Variants in NXPE2 observed in about 807,000 individuals in gnomAD.
NXPE2 encodes the protein NXPE family member 2.
A neutral mutation model predicts 34.4 loss-of-function variants in NXPE2; 34 were observed. The ratio of observed to expected loss-of-function variants is 0.99; its 90% confidence interval spans 0.75 to 1.31. The LOEUF (loss-of-function observed/expected upper bound fraction) is 1.31. NXPE2 is among the 40% of genes most tolerant of loss of function. NXPE2 has a pLI of 0.00. For synonymous variants in NXPE2, 235 were observed against 231.3 expected (o/e 1.02, Z -0.15); for missense variants, 649 against 672.5 (o/e 0.97, Z 0.39).
At chr11:114,778,558 G>T in the NXPE2 span, among the ~76,000 whole-genome samples, 1 of 152,174 alleles carries the variant, frequency 6.6e-6, no homozygotes, top group African/African-American at 2.4e-5. Context: ...TGGCAGTAGA[G>T]AAGAGGACAG....
the NXPE2 span, among the ~76,000 whole-genome samples, chr11:114,493,748 C>T: frequency 6.6e-6 from 1 of 152,106 alleles, no homozygotes; most frequent in Non-Finnish European, 1.5e-5. Context: ...TTATACACTA[C>T]AATTACGGTG....
the NXPE2 span, among the ~76,000 whole-genome samples, chr11:114,625,447 C>T: frequency 6.6e-6 from 1 of 152,104 alleles, no homozygotes; most frequent in Non-Finnish European, 1.5e-5. Flanking sequence ...ATAAGTATTG[C>T]CTCTTGGGTA....
downstream of NXPE2, among the ~76,000 whole-genome samples, chr11:114,710,859 C>G (rs764314637): frequency 6.6e-6 from 1 of 151,794 alleles, no homozygotes; most frequent in African/African-American, 2.4e-5. Context: ...TACTAGTAAA[C>G]CAAATTCAAT....
At chr11:114,527,871 A>G in the NXPE2 span, 1 of 1,607,072 alleles carries the variant, frequency 6.2e-7, no homozygotes, top group Non-Finnish European at 8.5e-7. Flanking sequence ...TGTGTTTACG[A>G]TCCTTCATCA....
At chr11:114,798,807 A>G in the NXPE2 span, among the ~76,000 whole-genome samples, 5 of 152,040 alleles carry the variant, frequency 3.3e-5, no homozygotes, top group African/African-American at 9.7e-5. Flanking sequence ...TTAACATTTC[A>G]TCTAGTCCCT....
At chr11:114,633,175 T>G in the NXPE2 span, among the ~76,000 whole-genome samples, 2 of 129,468 alleles carry the variant, frequency 1.5e-5, no homozygotes, top group Admixed American at 8.4e-5. Context: ...TTATATAATT[T>G]ATATGATTAT....
At chr11:114,694,861 G>C (rs946364891) in intron 2 of NXPE2, among the ~76,000 whole-genome samples, 1 of 151,212 alleles carries the variant, frequency 6.6e-6, no homozygotes, top group African/African-American at 2.4e-5. Context: ...TTTTATTAGA[G>C]CCCTAAGTAT....
chr11:114,522,522 G>C, the NXPE2 span: 1 of 1,541,426 alleles, frequency 6.5e-7, no homozygotes, highest in Non-Finnish European at 8.8e-7. Context: ...AAAACAAATA[G>C]ATGTTTTAAA....
the NXPE2 span, among the ~76,000 whole-genome samples, chr11:114,715,335 T>C: frequency 6.6e-6 from 1 of 152,254 alleles, no homozygotes. Context: ...TTTTGTTCTA[T>C]GTAATTGCGC....
chr11:114,735,188 A>G, the NXPE2 span, among the ~76,000 whole-genome samples: 2 of 152,162 alleles, frequency 1.3e-5, no homozygotes, highest in African/African-American at 4.8e-5. Flanking sequence ...GCATTTCTAA[A>G]AGCAGGGAAT....
chr11:114,759,752 G>A, the NXPE2 span, among the ~76,000 whole-genome samples: 1 of 152,170 alleles, frequency 6.6e-6, no homozygotes, highest in Non-Finnish European at 1.5e-5. Context: ...GTCAGTGGTA[G>A]ATAGTAATTT....
chr11:114,708,170 C>T (rs1951503999), downstream of NXPE2, among the ~76,000 whole-genome samples: 1 of 152,148 alleles, frequency 6.6e-6, no homozygotes, highest in South Asian at 2.1e-4. Context: ...ATCATAATAG[C>T]AGTCTTCTTG....
the NXPE2 span, chr11:114,528,822 C>T: frequency 2.2e-5 from 15 of 678,738 alleles, no homozygotes; most frequent in Non-Finnish European, 4.1e-5. Context: ...GATGTCTCTC[C>T]AGGTGCCATC....
chr11:114,797,360 C>T, the NXPE2 span, among the ~76,000 whole-genome samples: 1 of 152,198 alleles, frequency 6.6e-6, no homozygotes, highest in Non-Finnish European at 1.5e-5. Context: ...TACCGTGTCT[C>T]TTTTAGCTGA....
chr11:114,671,086 TA>T, the NXPE2 span, among the ~76,000 whole-genome samples: 5 of 147,294 alleles, frequency 3.4e-5, no homozygotes, highest in Admixed American at 3.4e-4. Context: ...AATATATATA[TA>T]AATATATATA....
At chr11:114,522,470 A>T in the NXPE2 span, 1 of 1,607,328 alleles carries the variant, frequency 6.2e-7, no homozygotes, top group Non-Finnish European at 8.5e-7. Flanking sequence ...TTTCTTAAAG[A>T]TTCCAGTTTC....
chr11:114,751,796 C>G, the NXPE2 span, among the ~76,000 whole-genome samples: 5 of 152,098 alleles, frequency 3.3e-5, no homozygotes, highest in Non-Finnish European at 5.9e-5. Flanking sequence ...GGAGATCATC[C>G]TAAATTATCC....
At chr11:114,646,268 C>A in the NXPE2 span, among the ~76,000 whole-genome samples, 2 of 151,630 alleles carry the variant, frequency 1.3e-5, no homozygotes, top group Admixed American at 1.3e-4. Flanking sequence ...CTCTATTCTA[C>A]TTCTAGTTTT....
chr11:114,536,135 A>G, the NXPE2 span, among the ~76,000 whole-genome samples: 1 of 152,130 alleles, frequency 6.6e-6, no homozygotes, highest in Non-Finnish European at 1.5e-5. Context: ...AACTCACTCA[A>G]AACCCCTCAA....
Sources: gnomAD v4.1 joint callset for allele counts (sites outside exome capture counted in the v4.1 genomes callset) on GRCh38, gnomAD v4.1.1 for gene constraint, MANE v1.5 for transcripts, NCBI Gene and HGNC (gene_info 2026-07-23, HGNC 2026-07-21) for gene names.